VTA1: variants seen among roughly 807,000 people sequenced by gnomAD.
VTA1 encodes vacuolar protein sorting-associated protein VTA1 homolog.
A neutral mutation model predicts 36.9 loss-of-function variants in VTA1; 24 were observed. The observed-to-expected ratio is 0.65, with a 90% CI of 0.47 to 0.91. The LOEUF is 0.91. Ranked by LOEUF, VTA1 falls within the 40% of genes least tolerant of loss-of-function variation. The probability of loss-of-function intolerance (pLI) is 0.00; values close to 1 mark genes in which losing one functional copy is unlikely to be tolerated. For synonymous variants in VTA1, 142 were observed against 130.2 expected, an observed-to-expected ratio of 1.09 and a Z score of -0.62; for missense variants, 393 against 377.2, an observed-to-expected ratio of 1.04 and a Z score of -0.35.
chr6:142,209,176 G>GATAA (rs1562270375), intron 7 of VTA1, among the ~76,000 whole-genome samples: 1 of 151,980 alleles, frequency 6.6e-6, no homozygotes, highest in Non-Finnish European at 1.5e-5. Context: ...CGTTAGAACT[G>GATAA]ATAAATTTAG....
At chr6:142,173,510 C>T (rs905573317) in intron 4 of VTA1, among the ~76,000 whole-genome samples, 3 of 152,180 alleles carry the variant, frequency 2.0e-5, no homozygotes, top group Non-Finnish European at 4.4e-5. Flanking sequence ...ATCTCGTGAT[C>T]TGCCCTCTCC....
intron 2 of VTA1, 89 bp downstream of exon 2, chr6:142,166,411 T>C (rs997574540): frequency 2.1e-6 from 2 of 936,494 alleles, no homozygotes; most frequent in East Asian, 5.1e-5. Flanking sequence ...TTTAGTTCTT[T>C]CCCTTGGCAA....
chr6:142,182,851 GGT>G (rs1775268229), intron 4 of VTA1, among the ~76,000 whole-genome samples: 2 of 152,260 alleles, frequency 1.3e-5, no homozygotes, highest in Non-Finnish European at 2.9e-5. Flanking sequence ...ATTTAAGGGT[GGT>G]ACATTTAAAG....
chr6:142,212,936 A>G (rs1323762748), intron 7 of VTA1, among the ~76,000 whole-genome samples: 3 of 152,158 alleles, frequency 2.0e-5, no homozygotes, highest in African/African-American at 2.4e-5. Flanking sequence ...AGTCCAAATC[A>G]TATCATTCTG....
At position 142,159,478 on chromosome 6, in the gene VTA1, G is replaced by GTATTAT. The variant is rs199893577; in HGVS notation, c.113-6703_113-6698dup. Among the ~76,000 whole-genome samples, 719 of 134,826 alleles carry GTATTAT rather than the reference G, an allele frequency of 5.3e-3. 4 individuals are homozygous for GTATTAT. The highest frequency in any genetic ancestry group is 8.6e-3 in the East Asian group (40 of 4,626). The allele number at this position is 134,826 out of a possible 152,430, so 88.5% of individuals were successfully genotyped here. A position where few individuals can be genotyped will look rare whatever the true frequency, so the allele number is the denominator to read the frequency against. On this transcript the variant is annotated intron_variant, in intron 1 of 7. Transcript: ENST00000367630. ...CTGTCCACTGAATTTTTCATTTCAGGTATTATTATTATTATTATTATTATT... is the reference window on the plus strand; with the variant it reads ...CTGTCCACTGAATTTTTCATTTCAGGTATTATTATTATTATTATTATTATTATTATT...
chr6:142,187,107 T>G (rs1775354730), intron 4 of VTA1, among the ~76,000 whole-genome samples: 1 of 152,192 alleles, frequency 6.6e-6, no homozygotes, highest in Non-Finnish European at 1.5e-5. Flanking sequence ...CATATTTGGA[T>G]ATATAAAACA....
intron 5 of VTA1, among the ~76,000 whole-genome samples, chr6:142,191,692 A>G (rs1347542771): frequency 6.6e-6 from 1 of 152,032 alleles, no homozygotes; most frequent in Non-Finnish European, 1.5e-5. Flanking sequence ...TACTTTTTCA[A>G]CTCATTAACT....
At chr6:142,192,724 G>A (rs192089615) in intron 5 of VTA1, among the ~76,000 whole-genome samples, 2 of 150,554 alleles carry the variant, frequency 1.3e-5, no homozygotes, top group African/African-American at 2.5e-5. Context: ...GTGTGTGTGT[G>A]TGTGTAAAAT....
chr6:142,149,509 T>G (rs1309825183), intron 1 of VTA1, among the ~76,000 whole-genome samples: 1 of 152,228 alleles, frequency 6.6e-6, no homozygotes, highest in East Asian at 1.9e-4. Flanking sequence ...TAGCATCTTT[T>G]CATATGTTAA....
rs374286745 is a variant in VTA1 at position 142,220,158 on chromosome 6, A to C, written c.*1515A>C. 1 of 152,222 alleles carries C rather than the reference A, an allele frequency of 6.6e-6. No homozygotes were observed. The allele number at this position is 152,222 out of a possible 1,614,324, so 9.4% of individuals were successfully genotyped here. The stretch of plus-strand genomic sequence containing the variant: ...AGTCCCCAAACAACATGCCTCCTAA[A>C]AAACATTTTCCTATCTTTTACAAGA... On this transcript the variant is annotated 3_prime_UTR_variant, in exon 8 of 8. Transcript: ENST00000367630.
Position 142,201,138 on chromosome 6 carries a change from A to G in VTA1, c.697+2523A>G, listed in dbSNP as rs891870507. On this transcript the variant is annotated intron_variant, in intron 6 of 7. Transcript: ENST00000367630. ...TTCTGATAGTATATTTCCCTTTAAGATTGGTTTGAGATGTTGAAATCTCCT... is the reference window on the plus strand; with the variant it reads ...TTCTGATAGTATATTTCCCTTTAAGGTTGGTTTGAGATGTTGAAATCTCCT... 2.6e-5 allele frequency among the ~76,000 whole-genome samples: 4 copies of G among 151,860 alleles called. No individual in the cohort carries two copies. The East Asian group carries it at 7.7e-4, about 29-fold the overall frequency.
At chr6:142,187,857 C>A (rs1775369593) in intron 4 of VTA1, among the ~76,000 whole-genome samples, 1 of 151,138 alleles carries the variant, frequency 6.6e-6, no homozygotes, top group Admixed American at 6.6e-5. Flanking sequence ...GGACCACCTG[C>A]TGCATTTGTA....
intron 5 of VTA1, among the ~76,000 whole-genome samples, chr6:142,196,500 T>C (rs1243433535): frequency 6.6e-6 from 1 of 152,230 alleles, no homozygotes; most frequent in Non-Finnish European, 1.5e-5. Flanking sequence ...TTCATTTACA[T>C]TTAATGTAAT....
chr6:142,191,109 A>G (rs1375259844), intron 5 of VTA1, among the ~76,000 whole-genome samples: 3 of 152,152 alleles, frequency 2.0e-5, no homozygotes, highest in Admixed American at 1.3e-4. Flanking sequence ...TGACATTTAT[A>G]ACTAAAGATG....
chr6:142,188,864 C>T (rs1775397698), intron 4 of VTA1, among the ~76,000 whole-genome samples: 1 of 152,106 alleles, frequency 6.6e-6, no homozygotes, highest in South Asian at 2.1e-4. Context: ...TCAGTTAACC[C>T]AATGAGGTAT....
rs958789482 is a variant in VTA1 at position 142,222,213 on chromosome 6, C to T, written c.*3570C>T. On this transcript the variant is annotated 3_prime_UTR_variant, in exon 8 of 8. Coordinates refer to ENST00000367630, the MANE Select transcript of VTA1 (RefSeq NM_016485.5). ...CATGTACTGCAGTAGGGAAAGTTGC[C>T]GAATTCCTCTCTCACTTAGACTGAA... The T allele has an allele frequency of 2.0e-5, 3 of 151,962 alleles. No individual in the cohort carries two copies. The highest frequency in any genetic ancestry group is 2.1e-4 in the South Asian group (1 of 4,808). 9.4% of individuals were successfully genotyped at this position (151,962 alleles called of 1,614,324 possible). A position where few individuals can be genotyped will look rare whatever the true frequency, so the allele number is the denominator to read the frequency against.
intron 7 of VTA1, among the ~76,000 whole-genome samples, chr6:142,210,678 T>C (rs558970965): frequency 2.6e-5 from 4 of 152,168 alleles, no homozygotes; most frequent in Admixed American, 1.3e-4. Context: ...GAAATACAAA[T>C]CAAAATCACA....
At chr6:142,218,197 G>A (rs547048958) in intron 7 of VTA1, among the ~76,000 whole-genome samples, 49 of 152,156 alleles carry the variant, frequency 3.2e-4, no homozygotes, top group African/African-American at 1.1e-3. Context: ...GAAGAGAGAG[G>A]CTAAGTGATT....
At chr6:142,151,013 C>T (rs1047949671) in intron 1 of VTA1, among the ~76,000 whole-genome samples, 1 of 151,776 alleles carries the variant, frequency 6.6e-6, no homozygotes, top group Non-Finnish European at 1.5e-5. Context: ...AGGGAGTCAC[C>T]TGGAATTGTA....
Sources: allele counts gnomAD v4.1 joint callset (sites outside exome capture counted in the v4.1 genomes callset), GRCh38; gene constraint gnomAD v4.1.1; transcripts MANE v1.5; gene names NCBI Gene and HGNC (gene_info 2026-07-23, HGNC 2026-07-21).